TASP1: variants seen among roughly 807,000 people sequenced by gnomAD.
TASP1 encodes the protein threonine aspartase 1.
A neutral mutation model predicts 56.6 loss-of-function variants in TASP1; 16 were observed. The observed-to-expected ratio is 0.28, with a 90% confidence interval of 0.19 to 0.43. The LOEUF (loss-of-function observed/expected upper bound fraction) is 0.43. TASP1 is among the 20% of genes least tolerant of loss of function. The pLI, the probability that TASP1 is intolerant of heterozygous loss-of-function variation, is 1.00. For synonymous variants in TASP1, 179 were observed against 184.2 expected (o/e 0.97, Z 0.23); for missense variants, 393 against 511.6 (o/e 0.77, Z 2.24).
At chr20:13,198,202 A>G in the TASP1 span, among the ~76,000 whole-genome samples, 1 of 152,148 alleles carries the variant, frequency 6.6e-6, no homozygotes, top group Non-Finnish European at 1.5e-5. Context: ...ATCACAAAGT[A>G]CCATATAAAT....
At chr20:13,492,697 T>G (rs1200082108) in intron 10 of TASP1, among the ~76,000 whole-genome samples, 1 of 152,214 alleles carries the variant, frequency 6.6e-6, no homozygotes, top group Non-Finnish European at 1.5e-5. Context: ...ATATTCAGAG[T>G]TCTCTGTAAT....
chr20:13,395,301 T>C (rs868343016), intron 13 of TASP1, among the ~76,000 whole-genome samples: 1 of 152,216 alleles, frequency 6.6e-6, no homozygotes, highest in South Asian at 2.1e-4. Context: ...TTTTCCTTCC[T>C]GGAAAGCAGG....
the TASP1 span, among the ~76,000 whole-genome samples, chr20:13,206,329 G>A: frequency 6.6e-6 from 1 of 152,060 alleles, no homozygotes. Context: ...TTCTAAGTGT[G>A]GCATATGGAT....
the TASP1 span, among the ~76,000 whole-genome samples, chr20:13,380,716 G>C: frequency 2.6e-5 from 4 of 152,204 alleles, no homozygotes; most frequent in Non-Finnish European, 5.9e-5. Context: ...AGGGAGATGG[G>C]AGTTTTATCT....
the TASP1 span, among the ~76,000 whole-genome samples, chr20:13,121,582 C>G: frequency 6.6e-6 from 1 of 152,170 alleles, no homozygotes. Flanking sequence ...GAGGAGACCT[C>G]TAACCCACCC....
At chr20:13,236,531 G>A in the TASP1 span, among the ~76,000 whole-genome samples, 1 of 152,006 alleles carries the variant, frequency 6.6e-6, no homozygotes. Flanking sequence ...CTTCCCAACA[G>A]TCCCCCAAAG....
chr20:13,400,127 T>C (rs2123643824), intron 13 of TASP1, among the ~76,000 whole-genome samples: 1 of 152,348 alleles, frequency 6.6e-6, no homozygotes, highest in African/African-American at 2.4e-5. Context: ...TGTTCGTTAT[T>C]TCCCCCACCA....
the TASP1 span, among the ~76,000 whole-genome samples, chr20:13,337,166 G>A: frequency 6.6e-6 from 1 of 152,178 alleles, no homozygotes; most frequent in African/African-American, 2.4e-5. Flanking sequence ...CAGGAACGAG[G>A]AGGATTTCCT....
chr20:13,488,444 A>G (rs1244119411), intron 10 of TASP1, among the ~76,000 whole-genome samples: 1 of 152,178 alleles, frequency 6.6e-6, no homozygotes, highest in African/African-American at 2.4e-5. Context: ...CAAACAGAAA[A>G]AAACACTGCC....
At chr20:13,619,643 C>T (rs781250212) in intron 4 of TASP1, among the ~76,000 whole-genome samples, 19 of 152,138 alleles carry the variant, frequency 1.2e-4, no homozygotes, top group South Asian at 2.1e-4. Flanking sequence ...CTTAAATCCA[C>T]GTCACTACTT....
At chr20:13,298,745 G>T in the TASP1 span, among the ~76,000 whole-genome samples, 1 of 152,136 alleles carries the variant, frequency 6.6e-6, no homozygotes, top group Non-Finnish European at 1.5e-5. Flanking sequence ...CGTGAGAACG[G>T]CCATCCACTT....
At chr20:13,275,555 C>T in the TASP1 span, among the ~76,000 whole-genome samples, 2 of 152,170 alleles carry the variant, frequency 1.3e-5, no homozygotes, top group African/African-American at 2.4e-5. Context: ...ACTTGACCTC[C>T]GTAGCCCCAT....
the TASP1 span, among the ~76,000 whole-genome samples, chr20:13,211,838 T>C: frequency 6.6e-6 from 1 of 152,148 alleles, no homozygotes; most frequent in Non-Finnish European, 1.5e-5. Flanking sequence ...GAGCAAAGAA[T>C]GGTTTTTACA....
At chr20:13,208,452 G>A in the TASP1 span, among the ~76,000 whole-genome samples, 1 of 152,134 alleles carries the variant, frequency 6.6e-6, no homozygotes, top group Non-Finnish European at 1.5e-5. Context: ...CTATACTGCA[G>A]TCAGTATGGT....
intron 10 of TASP1, among the ~76,000 whole-genome samples, chr20:13,512,095 T>A (rs888208646): frequency 1.1e-4 from 17 of 152,172 alleles, no homozygotes; most frequent in African/African-American, 3.4e-4. Flanking sequence ...TAGCAGCATG[T>A]TTTATAATCC....
the TASP1 span, among the ~76,000 whole-genome samples, chr20:13,331,693 C>G: frequency 7.6e-6 from 1 of 131,956 alleles, no homozygotes; most frequent in Non-Finnish European, 1.6e-5. Context: ...TTTTTTCTGT[C>G]ACTTGCACTG....
intron 11 of TASP1, among the ~76,000 whole-genome samples, chr20:13,465,679 C>T (rs1303068187): frequency 1.3e-5 from 2 of 152,110 alleles, no homozygotes; most frequent in Non-Finnish European, 2.9e-5. Context: ...TACTGATACA[C>T]ACCAAAACAT....
At chr20:13,582,508 T>C (rs184555151) in intron 5 of TASP1, among the ~76,000 whole-genome samples, 8 of 151,966 alleles carry the variant, frequency 5.3e-5, no homozygotes, top group Admixed American at 5.2e-4. Context: ...ATCAGAAAAA[T>C]AAAACTTTGA....
At chr20:13,303,521 G>A in the TASP1 span, among the ~76,000 whole-genome samples, 2 of 152,134 alleles carry the variant, frequency 1.3e-5, no homozygotes, top group African/African-American at 4.8e-5. Flanking sequence ...AGAGCTCAGG[G>A]GCAACATAAC....
Sources: gnomAD v4.1 joint callset for allele counts (sites outside exome capture counted in the v4.1 genomes callset) on GRCh38, gnomAD v4.1.1 for gene constraint, MANE v1.5 for transcripts, NCBI Gene and HGNC (gene_info 2026-07-23, HGNC 2026-07-21) for gene names.